The following KIAA1217 variants were observed in gnomAD, a reference collection of about 807,000 sequenced individuals.
The protein encoded by KIAA1217 is KIAA1217, also known as sickle tail protein homolog.
Under a neutral mutation model 163.9 loss-of-function variants are expected in KIAA1217, and 88 were observed. The observed-to-expected ratio is 0.54, with a 90% CI of 0.45 to 0.64. The LOEUF (loss-of-function observed/expected upper bound fraction) is 0.64, where lower values mean the gene tolerates loss of function less well. Among genes scored for constraint, KIAA1217 ranks in the 30% least tolerant of loss-of-function variants. The pLI, the probability that KIAA1217 is intolerant of heterozygous loss-of-function variation, is 0.00. For synonymous variants in KIAA1217, 903 were observed against 923.1 expected, an observed-to-expected ratio of 0.98 and a Z score of 0.39; for missense variants, 2,372 against 2,475.0, an observed-to-expected ratio of 0.96 and a Z score of 0.88.
chr10:23,936,717 T>C (rs753008363), intron 1 of KIAA1217, among the ~76,000 whole-genome samples: 1 of 152,156 alleles, frequency 6.6e-6, no homozygotes, highest in South Asian at 2.1e-4. Flanking sequence ...TGCAGACACC[T>C]GGATTTCAGA....
chr10:23,845,461 T>G (rs1838980054), intron 1 of KIAA1217, among the ~76,000 whole-genome samples: 1 of 152,206 alleles, frequency 6.6e-6, no homozygotes, highest in African/African-American at 2.4e-5. Flanking sequence ...TCATTGTGGT[T>G]TTGATTTGCA....
intron 2 of KIAA1217, among the ~76,000 whole-genome samples, chr10:24,249,509 A>G (rs1482491179): frequency 6.6e-6 from 1 of 152,194 alleles, no homozygotes; most frequent in Non-Finnish European, 1.5e-5. Flanking sequence ...CAAGTTTCCT[A>G]TATTATAGGG....
At chr10:23,853,960 A>C (rs187752820) in intron 1 of KIAA1217, among the ~76,000 whole-genome samples, 1 of 152,224 alleles carries the variant, frequency 6.6e-6, no homozygotes, top group Admixed American at 6.5e-5. Context: ...CCTTTCAAAA[A>C]ACCAGCTCCT....
At chr10:23,932,017 A>T (rs1475139770) in intron 1 of KIAA1217, among the ~76,000 whole-genome samples, 2 of 152,210 alleles carry the variant, frequency 1.3e-5, no homozygotes, top group African/African-American at 4.8e-5. Flanking sequence ...TGAAACAACC[A>T]GAGCAGCCCG....
chr10:24,310,897 T>G (rs964966931), intron 2 of KIAA1217, among the ~76,000 whole-genome samples: 1 of 152,140 alleles, frequency 6.6e-6, no homozygotes, highest in African/African-American at 2.4e-5. Flanking sequence ...TTTGAGAGGC[T>G]GAGGTTGGAG....
intron 3 of KIAA1217, among the ~76,000 whole-genome samples, chr10:24,398,003 G>A (rs1166021336): frequency 1.3e-5 from 2 of 152,126 alleles, no homozygotes; most frequent in Admixed American, 1.3e-4. Flanking sequence ...ACCTCACAGA[G>A]TACAGTTGAC....
At chr10:23,898,178 T>C (rs925262518) in intron 1 of KIAA1217, among the ~76,000 whole-genome samples, 1 of 152,042 alleles carries the variant, frequency 6.6e-6, no homozygotes, top group Non-Finnish European at 1.5e-5. Context: ...TACTTTATTG[T>C]GAACGGAGTG....
chr10:24,044,607 T>G (rs1406601146), intron 2 of KIAA1217, among the ~76,000 whole-genome samples: 2 of 152,074 alleles, frequency 1.3e-5, no homozygotes. Flanking sequence ...CTTCTTAAAT[T>G]TTCTCTTCCG....
chr10:24,480,645 G>A (rs1005818484), intron 6 of KIAA1217, among the ~76,000 whole-genome samples: 3 of 152,182 alleles, frequency 2.0e-5, no homozygotes, highest in Admixed American at 6.5e-5. Context: ...GTGGCTGAGA[G>A]TTTCTAGTTT....
At chr10:23,782,077 AT>A (rs773643434) in intron 1 of KIAA1217, among the ~76,000 whole-genome samples, 22 of 149,856 alleles carry the variant, frequency 1.5e-4, no homozygotes, top group Admixed American at 4.0e-4. Context: ...TAAAAAAAAA[AT>A]TTTTTTTTCT....
chr10:24,210,356 C>T (rs1385011781), intron 1 of KIAA1217, among the ~76,000 whole-genome samples: 1 of 152,152 alleles, frequency 6.6e-6, no homozygotes, highest in Non-Finnish European at 1.5e-5. Context: ...TCTGAACAGT[C>T]ATCTGTCGAA....
intron 2 of KIAA1217, among the ~76,000 whole-genome samples, chr10:24,151,477 A>C (rs1013113241): frequency 5.5e-5 from 8 of 146,330 alleles, no homozygotes; most frequent in African/African-American, 2.1e-4. Flanking sequence ...GGCATGGTTC[A>C]AGGTTCTATG....
intron 2 of KIAA1217, among the ~76,000 whole-genome samples, chr10:24,061,533 A>G (rs376113206): frequency 6.6e-6 from 1 of 152,140 alleles, no homozygotes; most frequent in African/African-American, 2.4e-5. Context: ...GTCCTTTGTT[A>G]TAAGTTGGAG....
intron 1 of KIAA1217, among the ~76,000 whole-genome samples, chr10:23,846,822 A>C (rs1212030202): frequency 6.6e-6 from 1 of 152,094 alleles, no homozygotes; most frequent in African/African-American, 2.4e-5. Flanking sequence ...CGGTTTTCAA[A>C]GGGAATGCTT....
chr10:24,239,222 G>T, intron 2 of KIAA1217: 1 of 985,280 alleles, frequency 1.0e-6, no homozygotes, highest in East Asian at 1.1e-4. Flanking sequence ...ACATGGAGGG[G>T]GGTTTTACCT....
At position 24,544,229 on chromosome 10, in the gene KIAA1217, A is replaced by G; in HGVS notation, c.4959A>G (p.Ser1653=). 1 of 1,614,182 alleles carries G rather than the reference A, an allele frequency of 6.2e-7. No individual in the cohort carries two copies. Among genetic ancestry groups the G allele is most frequent in the Non-Finnish European group, 8.5e-7 (1 of 1,180,032 alleles). ...GCATCGAGAGTACATCTCCGATTTC[A>G]AGAACTGATGAAATTAGAAAAAACA... The part of the protein sequence containing the change: ...QPSIESTSPI[S]RTDEIRKNTY... Residue 1653 remains serine, a synonymous_variant, in exon 19 of 21, where the codon TCA becomes TCG. Transcript: ENST00000376454.
At chr10:23,795,933 A>C (rs975548290) in intron 1 of KIAA1217, among the ~76,000 whole-genome samples, 1 of 152,138 alleles carries the variant, frequency 6.6e-6, no homozygotes, top group Non-Finnish European at 1.5e-5. Flanking sequence ...TATTATTACT[A>C]TCTTGTTTGC....
intron 2 of KIAA1217, among the ~76,000 whole-genome samples, chr10:24,064,329 T>G (rs191277179): frequency 2.4e-3 from 373 of 152,328 alleles, no homozygotes; most frequent in African/African-American, 8.7e-3. Flanking sequence ...AATACCTAAT[T>G]TATTGAGAGT....
intron 1 of KIAA1217, among the ~76,000 whole-genome samples, chr10:23,952,143 C>A (rs1844364371): frequency 6.6e-6 from 1 of 152,208 alleles, no homozygotes; most frequent in African/African-American, 2.4e-5. Flanking sequence ...TAACCAGAGA[C>A]TAACTCTAAT....
Sources: gnomAD v4.1 joint callset for allele counts (sites outside exome capture counted in the v4.1 genomes callset) on GRCh38, gnomAD v4.1.1 for gene constraint, MANE v1.5 for transcripts, NCBI Gene and HGNC (gene_info 2026-07-23, HGNC 2026-07-21) for gene names.